The following PLD5 variants were observed in gnomAD, a reference collection of about 807,000 sequenced individuals.
The protein encoded by PLD5 is inactive phospholipase D5.
In PLD5, 36 loss-of-function variants were observed where a neutral mutation model predicts 61.1. That is an observed-to-expected ratio of 0.59 (90% CI 0.45 to 0.78). PLD5 has a LOEUF of 0.78. PLD5 is among the 30% of genes least tolerant of loss of function. The probability of loss-of-function intolerance (pLI) is 0.00; values close to 1 mark genes in which losing one functional copy is unlikely to be tolerated. For synonymous variants in PLD5, 243 were observed against 242.8 expected (o/e 1.00, Z -0.01); for missense variants, 515 against 644.4 (o/e 0.80, Z 2.17).
At chr1:242,102,227 A>C (rs1394022145) in intron 8 of PLD5, among the ~76,000 whole-genome samples, 1 of 152,230 alleles carries the variant, frequency 6.6e-6, no homozygotes, top group Non-Finnish European at 1.5e-5. Flanking sequence ...ATTATTGTAG[A>C]ATCAAGATGG....
chr1:242,491,850 C>T (rs1668163422), intron 1 of PLD5, among the ~76,000 whole-genome samples: 1 of 152,186 alleles, frequency 6.6e-6, no homozygotes, highest in South Asian at 2.1e-4. Context: ...TAACTTTCCA[C>T]ACATATTCTT....
intron 1 of PLD5, among the ~76,000 whole-genome samples, chr1:242,465,243 A>C (rs1018854370): frequency 1.3e-5 from 2 of 152,166 alleles, no homozygotes; most frequent in East Asian, 3.8e-4. Flanking sequence ...CGGACTCTAC[A>C]CTCAAAATAC....
chr1:242,289,186 T>C (rs909829329), intron 2 of PLD5, among the ~76,000 whole-genome samples: 11 of 152,248 alleles, frequency 7.2e-5, no homozygotes, highest in Admixed American at 6.5e-5. Context: ...GTTTGTTTTC[T>C]CTTTTTATAC....
chr1:242,187,146 G>A (rs1194085037), intron 5 of PLD5, among the ~76,000 whole-genome samples: 1 of 152,208 alleles, frequency 6.6e-6, no homozygotes, highest in Admixed American at 6.5e-5. Flanking sequence ...CCAGTGAAAT[G>A]TAAGAGAAGT....
chr1:242,400,223 A>T (rs1204721795), intron 1 of PLD5, among the ~76,000 whole-genome samples: 1 of 151,866 alleles, frequency 6.6e-6, no homozygotes, highest in Non-Finnish European at 1.5e-5. Context: ...TCTGAAGTGG[A>T]ACAGTTTCAT....
chr1:242,290,305 A>G (rs1675282148), intron 2 of PLD5, among the ~76,000 whole-genome samples: 1 of 147,126 alleles, frequency 6.8e-6, no homozygotes, highest in African/African-American at 2.5e-5. Context: ...ATTCGTCTTC[A>G]AAGATGAAAA....
rs540622949 is a variant in PLD5 at position 242,214,856 on chromosome 1, T to A, written c.735+5132A>T. Among the ~76,000 whole-genome samples the A allele has an allele frequency of 3.3e-5, 5 of 151,032 alleles. No homozygotes were observed. The East Asian group carries it at 5.9e-4, about 18-fold the overall frequency. On this transcript the variant is annotated intron_variant, in intron 5 of 9. Coordinates refer to ENST00000536534, the MANE Select transcript of PLD5 (RefSeq NM_001372062.1). ...TGCTCTTCCTTGAGAGTCCACTCGA[T>A]ATGTCATTAAACACCTTTTTTTTTT...
intron 1 of PLD5, among the ~76,000 whole-genome samples, chr1:242,421,166 G>T: frequency 9.2e-6 from 1 of 108,916 alleles, no homozygotes; most frequent in East Asian, 2.9e-4. Flanking sequence ...GGGACAGTGA[G>T]ACTCCACCTC....
chr1:242,268,540 C>T (rs924283284), intron 3 of PLD5, among the ~76,000 whole-genome samples: 1 of 152,172 alleles, frequency 6.6e-6, no homozygotes, highest in African/African-American at 2.4e-5. Context: ...TCTACAGATA[C>T]TGGCAGACTG....
chr1:242,339,900 GA>G (rs1470169195), intron 2 of PLD5, among the ~76,000 whole-genome samples: 1 of 152,128 alleles, frequency 6.6e-6, no homozygotes, highest in African/African-American at 2.4e-5. Context: ...TTTACAACTG[GA>G]AAAGAGAGGG....
chr1:242,265,822 C>G (rs1173649763), intron 3 of PLD5, among the ~76,000 whole-genome samples: 1 of 152,118 alleles, frequency 6.6e-6, no homozygotes, highest in African/African-American at 2.4e-5. Context: ...GCTGGTTTTC[C>G]AATTTAAAAG....
intron 1 of PLD5, among the ~76,000 whole-genome samples, chr1:242,487,728 A>G (rs1453483969): frequency 1.3e-5 from 2 of 152,324 alleles, no homozygotes; most frequent in African/African-American, 4.8e-5. Flanking sequence ...TGAGCAAAAG[A>G]TCTGAACAGA....
chr1:242,261,867 G>A (rs1335993634), intron 4 of PLD5, among the ~76,000 whole-genome samples: 1 of 152,206 alleles, frequency 6.6e-6, no homozygotes, highest in Non-Finnish European at 1.5e-5. Context: ...CATTAACATA[G>A]TGTTTGTGAG....
chr1:242,304,921 T>C (rs1190884649), intron 2 of PLD5, among the ~76,000 whole-genome samples: 3 of 152,096 alleles, frequency 2.0e-5, no homozygotes, highest in African/African-American at 4.8e-5. Flanking sequence ...CTGGGCAACA[T>C]GGTGAAACCC....
intron 1 of PLD5, among the ~76,000 whole-genome samples, chr1:242,348,787 G>A (rs1402419940): frequency 6.6e-6 from 1 of 152,184 alleles, no homozygotes; most frequent in Non-Finnish European, 1.5e-5. Context: ...GGGCGCGGTG[G>A]CTCATGCCTG....
intron 1 of PLD5, among the ~76,000 whole-genome samples, chr1:242,512,312 G>C (rs909196162): frequency 6.6e-6 from 1 of 151,646 alleles, no homozygotes; most frequent in Non-Finnish European, 1.5e-5. Flanking sequence ...CCCAGCTACT[G>C]GGGAGGCTGA....
At chr1:242,162,562 GACA>G (rs1323288668) in intron 5 of PLD5, among the ~76,000 whole-genome samples, 3 of 152,078 alleles carry the variant, frequency 2.0e-5, no homozygotes, top group African/African-American at 7.3e-5. Context: ...CAGTCCTGCA[GACA>G]ACCTTAATGT....
Position 242,153,470 on chromosome 1 carries a change from T to C in PLD5, c.736-28805A>G, listed in dbSNP as rs145576725. The stretch of plus-strand genomic sequence containing the variant: ...TATCGCCTAGGTTTTCTTCTAGGGT[T>C]TTTATGGTTTTAGGTCTTATGTTTA... On this transcript the variant is annotated intron_variant, in intron 5 of 9. Transcript: ENST00000536534. 1.7e-4 allele frequency among the ~76,000 whole-genome samples: 26 copies of C among 152,248 alleles called. No individual in the cohort carries two copies. In the East Asian group the frequency reaches 5.0e-3, roughly 29 times the overall value.
intron 5 of PLD5, among the ~76,000 whole-genome samples, chr1:242,205,790 T>C (rs1457376742): frequency 6.6e-6 from 1 of 152,224 alleles, no homozygotes; most frequent in Non-Finnish European, 1.5e-5. Flanking sequence ...GGATGGCAGA[T>C]GGACTATACA....
Sources: allele counts gnomAD v4.1 joint callset (sites outside exome capture counted in the v4.1 genomes callset), GRCh38; gene constraint gnomAD v4.1.1; transcripts MANE v1.5; gene names NCBI Gene and HGNC (gene_info 2026-07-23, HGNC 2026-07-21).